The following FGF12 variants were observed in gnomAD, a reference collection of about 807,000 sequenced individuals.
FGF12 encodes the protein fibroblast growth factor 12B.
A neutral mutation model predicts 23.6 loss-of-function variants in FGF12; 14 were observed. The ratio of observed to expected loss-of-function variants is 0.59; its 90% confidence interval spans 0.39 to 0.93. The LOEUF (loss-of-function observed/expected upper bound fraction) is 0.93. FGF12 is among the 40% of genes least tolerant of loss of function. The pLI is 0.00. For missense variants in FGF12, 175 were observed against 217.8 expected (o/e 0.80, Z 1.24); for synonymous variants, 62 against 77.3 (o/e 0.80, Z 1.04).
intron 2 of FGF12, among the ~76,000 whole-genome samples, chr3:192,506,225 T>C (rs978668514): frequency 6.6e-6 from 1 of 152,214 alleles, no homozygotes; most frequent in Non-Finnish European, 1.5e-5. Context: ...GGAAGAGAAG[T>C]TGGGGGTCAG....
At chr3:192,642,044 C>G (rs1875735) in intron 2 of FGF12, among the ~76,000 whole-genome samples, 84,034 of 152,056 alleles carry the variant, frequency 0.55, 23,573 homozygotes, top group East Asian at 0.67. Context: ...ATACCCAGAA[C>G]TTGATTTATA....
intron 2 of FGF12, among the ~76,000 whole-genome samples, chr3:192,657,353 T>C (rs1716466501): frequency 6.6e-6 from 1 of 151,950 alleles, no homozygotes; most frequent in Non-Finnish European, 1.5e-5. Flanking sequence ...GTCTGATTTT[T>C]ATCATTTTTC....
intron 2 of FGF12, among the ~76,000 whole-genome samples, chr3:192,630,404 C>T (rs947714227): frequency 1.1e-4 from 16 of 151,954 alleles, no homozygotes; most frequent in African/African-American, 2.9e-4. Flanking sequence ...TAGAGAAATG[C>T]TTTCATTTTA....
At chr3:192,315,616 T>G (rs991428143) in intron 4 of FGF12, among the ~76,000 whole-genome samples, 4 of 152,150 alleles carry the variant, frequency 2.6e-5, no homozygotes, top group Non-Finnish European at 5.9e-5. Context: ...AGCCAATACT[T>G]TTTTAGGATT....
chr3:192,565,386 C>G (rs543226117), intron 2 of FGF12, among the ~76,000 whole-genome samples: 1 of 152,168 alleles, frequency 6.6e-6, no homozygotes, highest in Non-Finnish European at 1.5e-5. Context: ...TGTGAATTCG[C>G]TCATTTTATC....
intron 4 of FGF12, among the ~76,000 whole-genome samples, chr3:192,231,733 G>A (rs111333767): frequency 0.036 from 5,441 of 151,626 alleles, 325 homozygotes; most frequent in African/African-American, 0.13. Flanking sequence ...AGGTGCCACT[G>A]CACTCCAGCC....
intron 2 of FGF12, among the ~76,000 whole-genome samples, chr3:192,630,550 T>C (rs13061538): frequency 0.22 from 26,038 of 116,076 alleles, 3,302 homozygotes; most frequent in African/African-American, 0.42. Flanking sequence ...TATAAAAAAA[T>C]TCAATTTTTT....
intron 2 of FGF12, among the ~76,000 whole-genome samples, chr3:192,522,477 A>C (rs1484156998): frequency 6.6e-6 from 1 of 152,242 alleles, no homozygotes; most frequent in Non-Finnish European, 1.5e-5. Flanking sequence ...GAGAATATAA[A>C]GGAAATGGGA....
chr3:192,353,366 C>CTTTTTT (rs34992097), intron 3 of FGF12, among the ~76,000 whole-genome samples: 3 of 98,408 alleles, frequency 3.0e-5, no homozygotes, highest in Non-Finnish European at 5.7e-5. Flanking sequence ...GAGCAGAAGT[C>CTTTTTT]TTTTTTTTTT....
chr3:192,589,410 G>A lies in FGF12; in HGVS notation c.13+137771C>T, dbSNP rs910428804. On this transcript the variant is annotated intron_variant, in intron 2 of 5. Coordinates refer to ENST00000445105, the MANE Select transcript of FGF12 (RefSeq NM_004113.6). ...TGGATTGTATAACACCATTTTATAC[G>A]AGCAGGTTGTGCTAAATTGTCAGAA... Among the ~76,000 whole-genome samples the A allele has an allele frequency of 4.0e-5, 6 of 151,244 alleles. No individual in the cohort carries two copies. In the East Asian group the frequency reaches 1.2e-3, roughly 29 times the overall value.
At chr3:192,552,919 C>CA (rs1272920235) in intron 2 of FGF12, among the ~76,000 whole-genome samples, 76 of 148,424 alleles carry the variant, frequency 5.1e-4, no homozygotes, top group South Asian at 2.3e-3. Context: ...AAACATAAAC[C>CA]AAAAAAAAAG....
chr3:192,328,556 T>A (rs564357698), intron 4 of FGF12, among the ~76,000 whole-genome samples: 1 of 152,214 alleles, frequency 6.6e-6, no homozygotes, highest in Non-Finnish European at 1.5e-5. Context: ...TTTCTTCCCA[T>A]GGCAGATTTT....
intron 2 of FGF12, among the ~76,000 whole-genome samples, chr3:192,560,146 AAAC>A (rs1271630155): frequency 2.7e-4 from 41 of 152,204 alleles, no homozygotes; most frequent in African/African-American, 8.2e-4. Context: ...GGTAAAGAAG[AAAC>A]AACAAGGCAC....
intron 2 of FGF12, among the ~76,000 whole-genome samples, chr3:192,567,214 A>AT (rs1712333632): frequency 6.6e-6 from 1 of 152,164 alleles, no homozygotes; most frequent in Admixed American, 6.5e-5. Context: ...CTTTTAGGAT[A>AT]TGATCTGGGG....
chr3:192,623,690 C>T (rs2701589), intron 2 of FGF12, among the ~76,000 whole-genome samples: 117,060 of 152,150 alleles, frequency 0.77, 45,933 homozygotes, highest in African/African-American at 0.94. Flanking sequence ...AGAACATAAA[C>T]GAGTCACTGC....
intron 4 of FGF12, among the ~76,000 whole-genome samples, chr3:192,243,375 T>C (rs1350851290): frequency 1.3e-5 from 2 of 151,982 alleles, no homozygotes; most frequent in African/African-American, 2.4e-5. Flanking sequence ...CAGTGTGTTA[T>C]TGGCACATGA....
At chr3:192,542,572 T>C (rs983026292) in intron 2 of FGF12, among the ~76,000 whole-genome samples, 1 of 152,182 alleles carries the variant, frequency 6.6e-6, no homozygotes, top group Non-Finnish European at 1.5e-5. Context: ...TGTTTGTCAG[T>C]GTCTGGGCAT....
chr3:192,489,824 A>C (rs1406153235), intron 2 of FGF12, among the ~76,000 whole-genome samples: 1 of 152,004 alleles, frequency 6.6e-6, no homozygotes, highest in African/African-American at 2.4e-5. Context: ...ACTGGGACCT[A>C]TCAGAGGGTG....
At chr3:192,549,951 T>A (rs1372244079) in intron 2 of FGF12, among the ~76,000 whole-genome samples, 2 of 152,120 alleles carry the variant, frequency 1.3e-5, no homozygotes, top group African/African-American at 4.8e-5. Flanking sequence ...CTGCAGACCT[T>A]GGAACTTATC....
Sources: allele counts gnomAD v4.1 joint callset (sites outside exome capture counted in the v4.1 genomes callset), GRCh38; gene constraint gnomAD v4.1.1; transcripts MANE v1.5; gene names NCBI Gene and HGNC (gene_info 2026-07-23, HGNC 2026-07-21).